FAM199X: variants seen among roughly 807,000 people sequenced by gnomAD.
FAM199X encodes the protein family with sequence similarity 199, X-linked, also known as protein FAM199X.
Under a neutral mutation model 22.9 loss-of-function variants are expected in FAM199X, and 4 were observed. The ratio of observed to expected loss-of-function variants is 0.17; its 90% CI spans 0.09 to 0.40. The LOEUF (loss-of-function observed/expected upper bound fraction) is 0.40, where lower values mean the gene tolerates loss of function less well. Among genes scored for constraint, FAM199X ranks in the 10% least tolerant of loss-of-function variants. FAM199X has a pLI of 1.00. For synonymous variants in FAM199X, 101 were observed against 112.3 expected (o/e 0.90, Z 0.64); for missense variants, 183 against 306.8 (o/e 0.60, Z 3.01).
At chrX:104,183,627 G>A (rs1470784220) in intron 2 of FAM199X, among the ~76,000 whole-genome samples, 1 of 111,229 alleles carries the variant, frequency 9.0e-6, no homozygotes, top group Non-Finnish European at 1.9e-5. Context: ...ACCACACCCA[G>A]CTAATTTTTG....
chrX:104,161,576 G>A (rs1014198717), upstream of FAM199X, among the ~76,000 whole-genome samples: 13 of 111,990 alleles, frequency 1.2e-4, no homozygotes, highest in Middle Eastern at 4.6e-3. Flanking sequence ...GAGGCTGGGC[G>A]TGGTGGCTCA....
intron 2 of FAM199X, among the ~76,000 whole-genome samples, chrX:104,179,976 C>CTTTTTTT (rs1162038054): frequency 1.2e-5 from 1 of 86,153 alleles, no homozygotes; most frequent in Non-Finnish European, 2.3e-5. Context: ...TGAATTTTTC[C>CTTTTTTT]TTTTTTTTTT....
intron 2 of FAM199X, among the ~76,000 whole-genome samples, chrX:104,179,334 C>G (rs1260141643): frequency 9.0e-6 from 1 of 111,669 alleles, no homozygotes; most frequent in Non-Finnish European, 1.9e-5. Context: ...TTGTAGTTTT[C>G]AATGTCTAAG....
intron 2 of FAM199X, among the ~76,000 whole-genome samples, chrX:104,181,989 T>C (rs1462722245): frequency 1.8e-5 from 2 of 108,173 alleles, no homozygotes; most frequent in African/African-American, 6.9e-5. Context: ...TTTCTTTTTT[T>C]TCTTTTTTTT....
the FAM199X span, among the ~76,000 whole-genome samples, chrX:104,157,303 C>G: frequency 7.6e-3 from 847 of 111,741 alleles, 11 homozygotes; most frequent in African/African-American, 0.027. Flanking sequence ...TAGACCAACC[C>G]AAACTCCGAA....
chrX:104,179,361 T>A (rs1377163220), intron 2 of FAM199X, among the ~76,000 whole-genome samples: 2 of 112,266 alleles, frequency 1.8e-5, no homozygotes, highest in African/African-American at 3.2e-5. Flanking sequence ...ACTCTCTTGG[T>A]TGAATTTATT....
the FAM199X span, among the ~76,000 whole-genome samples, chrX:104,160,735 C>G: frequency 4.5e-5 from 5 of 112,087 alleles, no homozygotes; most frequent in Admixed American, 1.9e-4. Flanking sequence ...TAAAAATGTA[C>G]AAGTACTAGT....
intron 2 of FAM199X, among the ~76,000 whole-genome samples, chrX:104,180,682 G>A (rs1921628761): frequency 8.9e-6 from 1 of 111,846 alleles, no homozygotes; most frequent in African/African-American, 3.3e-5. Flanking sequence ...AAGATTTAAA[G>A]TGCTGTCTTG....
chrX:104,164,573 T>A (rs1921108794), upstream of FAM199X, among the ~76,000 whole-genome samples: 1 of 111,220 alleles, frequency 9.0e-6, no homozygotes, highest in Non-Finnish European at 1.9e-5. Flanking sequence ...ATAGTATGTG[T>A]AAAAGGTATA....
chrX:104,174,193 C>T (rs1556375955), intron 1 of FAM199X, among the ~76,000 whole-genome samples: 1 of 110,322 alleles, frequency 9.1e-6, no homozygotes, highest in African/African-American at 3.3e-5. Flanking sequence ...TCGCTCGAGC[C>T]TGGGAGTTGG....
rs1556374114 is a variant in FAM199X, at chrX:104,166,933, C to G, written c.148C>G (p.Leu50Val). The G allele has an allele frequency of 1.7e-6, 2 of 1,192,982 alleles. No homozygotes were observed. The highest frequency in any genetic ancestry group is 2.2e-5 in the Admixed American group (1 of 44,563). The change falls in exon 1 of 6, where the codon CTG becomes GTG. Residue 50 changes from leucine (L) to valine (V), a missense_variant. This residue lies in a region of FAM199X where 55 missense variants were observed against 60.6 expected (regional missense o/e 0.91). Transcript: ENST00000493442. ...GGACATCAGCGACTTCGGCTGCCAG[C>G]TGTCCTCCTGCCATCGCACCGACCC... is the stretch of plus-strand genomic sequence containing the variant. ...CLDISDFGCQ[L>V]SSCHRTDPLH...
upstream of FAM199X, among the ~76,000 whole-genome samples, chrX:104,163,095 T>TACACAC (rs35140355): frequency 6.1e-3 from 580 of 95,415 alleles, 5 homozygotes; most frequent in African/African-American, 0.021. Context: ...CTCAGCTAAA[T>TACACAC]ACACACACAC....
chrX:104,189,940 C>A lies in FAM199X; in HGVS notation c.*162C>A. 2.1e-6 allele frequency: 1 copy of A among 482,822 alleles called. No individual in the cohort carries two copies. The highest frequency in any genetic ancestry group is 3.4e-6 in the Non-Finnish European group (1 of 294,355). The allele number at this position is 482,822 out of a possible 1,213,427, so 39.8% of individuals were successfully genotyped here. A position where few individuals can be genotyped will look rare whatever the true frequency, so the allele number is the denominator to read the frequency against. On this transcript the variant is annotated 3_prime_UTR_variant, in exon 6 of 6. Transcript: ENST00000493442. ...GTGATCCCAAGACCTGCAGCTTCAG[C>A]ATCACTTGAGAAGTTGTTAGGAATG...
rs781858990 is a variant in FAM199X, at chrX:104,186,061, TA to T, written c.418-2del. The T allele has an allele frequency of 1.7e-6, 2 of 1,200,973 alleles. No homozygotes were observed. Among genetic ancestry groups the T allele is most frequent in the East Asian group, 5.9e-5 (2 of 33,763 alleles). ...CTTCCCCACACCCTCCTTATTTTTA[TA>T]AAGTTACCAGGCAGTGACATTGCCA... On this transcript the variant is annotated splice_polypyrimidine_tract_variant and splice_region_variant and intron_variant, in intron 2 of 5. Transcript: ENST00000493442.
At chrX:104,179,383 T>C (rs1165426420) in intron 2 of FAM199X, among the ~76,000 whole-genome samples, 1 of 112,259 alleles carries the variant, frequency 8.9e-6, no homozygotes, top group East Asian at 2.8e-4. Context: ...CTAAATATTG[T>C]ATTCTTTTTG....
At chrX:104,183,828 C>T (rs1221191328) in intron 2 of FAM199X, among the ~76,000 whole-genome samples, 1 of 112,175 alleles carries the variant, frequency 8.9e-6, no homozygotes. Context: ...TTGGACTTGT[C>T]AATAACTGTC....
rs1921198084 is a variant in FAM199X at position 104,166,627 on chromosome X, C to G, written c.-159C>G. On this transcript the variant is annotated 5_prime_UTR_variant, in exon 1 of 6. Transcript: ENST00000493442. ...AGCCTCTTCGCGCGGCCCCGCACCC[C>G]GGCAAGCAGCAGCGGGCCGCGACGC... The G allele has an allele frequency of 2.2e-6, 1 of 457,498 alleles. No individual in the cohort carries two copies. Among genetic ancestry groups the G allele is most frequent in the Non-Finnish European group, 3.5e-6 (1 of 287,277 alleles). The allele number at this position is 457,498 out of a possible 1,213,427, so 37.7% of individuals were successfully genotyped here.
intron 2 of FAM199X, among the ~76,000 whole-genome samples, chrX:104,179,786 A>G (rs149026913): frequency 1.3e-3 from 140 of 110,490 alleles, no homozygotes; most frequent in African/African-American, 4.4e-3. Context: ...GGAATTTTGC[A>G]TCTATATTCA....
At chrX:104,178,779 GTTA>G (rs1556377094) in intron 2 of FAM199X, among the ~76,000 whole-genome samples, 1 of 111,673 alleles carries the variant, frequency 9.0e-6, no homozygotes, top group African/African-American at 3.3e-5. Context: ...CACTGTTTTA[GTTA>G]TTATAGCTTT....
Sources: gnomAD v4.1 joint callset for allele counts (sites outside exome capture counted in the v4.1 genomes callset) on GRCh38, gnomAD v4.1.1 for gene constraint, gnomAD v4.1.1 regional missense constraint, MANE v1.5 for transcripts, NCBI Gene and HGNC (gene_info 2026-07-23, HGNC 2026-07-21) for gene names.